The following RBMS1 variants were observed in gnomAD, a reference collection of about 807,000 sequenced individuals.
The protein encoded by RBMS1 is RNA-binding motif, single-stranded-interacting protein 1.
In RBMS1, 17 loss-of-function variants were observed where a neutral mutation model predicts 62.3. The ratio of observed to expected loss-of-function variants is 0.27; its 90% CI spans 0.19 to 0.41. The LOEUF (loss-of-function observed/expected upper bound fraction) is 0.41, where lower values mean the gene tolerates loss of function less well. Ranked by LOEUF, RBMS1 falls within the 10% of genes least tolerant of loss-of-function variation. The pLI, the probability that RBMS1 is intolerant of heterozygous loss-of-function variation, is 1.00. For synonymous variants in RBMS1, 172 were observed against 170.0 expected (o/e 1.01, Z -0.09); for missense variants, 334 against 504.5 (o/e 0.66, Z 3.24).
rs959058318 is a variant in RBMS1 at position 160,367,275 on chromosome 2, G to A, written c.192C>T (p.Leu64=). Residue 64 remains leucine, a synonymous_variant, in exon 2 of 14, where the codon CTC becomes CTT. Coordinates refer to ENST00000348849, the MANE Select transcript of RBMS1 (RefSeq NM_016836.4). ...SGWDQLSKTN[L]YIRGLPPHTT... ...TGTGGGGAGGCAGTCCTCGGATATAGAGGTTCGTTTTGCTGAGCTGATCCC... is the reference window on the plus strand; with the variant it reads ...TGTGGGGAGGCAGTCCTCGGATATAAAGGTTCGTTTTGCTGAGCTGATCCC... 3.3e-5 allele frequency: 53 copies of A among 1,613,940 alleles called. No individual in the cohort carries two copies. Among genetic ancestry groups the A allele is most frequent in the Non-Finnish European group, 4.2e-5 (50 of 1,179,996 alleles).
At chr2:160,404,768 C>G (rs973115100) in intron 1 of RBMS1, among the ~76,000 whole-genome samples, 3 of 152,200 alleles carry the variant, frequency 2.0e-5, no homozygotes, top group Non-Finnish European at 2.9e-5. Context: ...CCATCTGTAT[C>G]ATCCATTTGC....
intron 2 of RBMS1, 140 bp downstream of exon 2, chr2:160,367,076 T>C: frequency 1.3e-6 from 1 of 778,114 alleles, no homozygotes; most frequent in Middle Eastern, 4.1e-4. Context: ...AGTTAAAACT[T>C]GAAACCCATT....
At chr2:160,484,825 T>G (rs572223940) in intron 1 of RBMS1, among the ~76,000 whole-genome samples, 2 of 149,084 alleles carry the variant, frequency 1.3e-5, no homozygotes, top group East Asian at 2.0e-4. Flanking sequence ...AAGCTGAGAT[T>G]GTGCCACTGC....
intron 1 of RBMS1, among the ~76,000 whole-genome samples, chr2:160,448,528 G>A (rs1451482391): frequency 2.0e-5 from 3 of 152,358 alleles, no homozygotes; most frequent in East Asian, 3.9e-4. Flanking sequence ...GCTCCTGACC[G>A]CGAGTAATCT....
At chr2:160,365,288 A>C (rs558050437) in intron 2 of RBMS1, among the ~76,000 whole-genome samples, 9 of 152,350 alleles carry the variant, frequency 5.9e-5, no homozygotes, top group South Asian at 2.1e-4. Context: ...CATATCAAGA[A>C]GACTATTATC....
Position 160,493,665 on chromosome 2 carries a change from G to A in RBMS1, c.-302C>T, listed in dbSNP as rs1489666422. ...GGGCGCTCCCAAGGAGTTTCCTCCC[G>A]GAGCCCGACTGCTCCGGGGCTGCCA... is the stretch of plus-strand genomic sequence containing the variant. On this transcript the variant is annotated 5_prime_UTR_variant, in exon 1 of 14. Coordinates refer to ENST00000348849, the MANE Select transcript of RBMS1 (RefSeq NM_016836.4). 2.2e-6 allele frequency: 1 copy of A among 463,476 alleles called. No individual in the cohort carries two copies. The allele number at this position is 463,476 out of a possible 1,614,324, so 28.7% of individuals were successfully genotyped here. A position where few individuals can be genotyped will look rare whatever the true frequency, so the allele number is the denominator to read the frequency against.
intron 11 of RBMS1, chr2:160,277,916 G>A (rs973325848): frequency 6.3e-6 from 1 of 157,840 alleles, no homozygotes; most frequent in Admixed American, 6.0e-5. Flanking sequence ...TTGGATATGT[G>A]TGGCCCTGGC....
chr2:160,359,167 A>G (rs1009237883), intron 2 of RBMS1, among the ~76,000 whole-genome samples: 4 of 152,192 alleles, frequency 2.6e-5, no homozygotes, highest in African/African-American at 9.6e-5. Flanking sequence ...AGGGTAAATT[A>G]TATCTTAAAG....
chr2:160,435,222 G>A (rs1683063359), intron 1 of RBMS1, among the ~76,000 whole-genome samples: 1 of 152,148 alleles, frequency 6.6e-6, no homozygotes, highest in Non-Finnish European at 1.5e-5. Context: ...GCCCCTTATG[G>A]GGGACATATA....
In RBMS1 at chr2:160,288,238, T is replaced by C. The variant is rs544672154; in HGVS notation, c.641-1154A>G. 1.3e-4 allele frequency among the ~76,000 whole-genome samples: 20 copies of C among 152,308 alleles called. No individual in the cohort carries two copies. In the Middle Eastern group the frequency reaches 0.014, roughly 104 times the overall value. ...CTGTCCTTTGTCTACTGTAGAACCA[T>C]GATTACTACTTTCAAGTTCTGTTTC... On this transcript the variant is annotated intron_variant, in intron 6 of 13. Transcript: ENST00000348849.
At chr2:160,329,752 C>T (rs969524596) in intron 2 of RBMS1, among the ~76,000 whole-genome samples, 1 of 151,678 alleles carries the variant, frequency 6.6e-6, no homozygotes, top group Non-Finnish European at 1.5e-5. Context: ...AGTGTAGGGT[C>T]TGGGTATGGA....
At chr2:160,338,728 A>G (rs980374148) in intron 2 of RBMS1, among the ~76,000 whole-genome samples, 1 of 152,216 alleles carries the variant, frequency 6.6e-6, no homozygotes, top group Admixed American at 6.5e-5. Flanking sequence ...GGTTGAATTG[A>G]TTTTTTAATT....
chr2:160,454,362 C>A (rs909541540), intron 1 of RBMS1, among the ~76,000 whole-genome samples: 2 of 152,124 alleles, frequency 1.3e-5, no homozygotes, highest in African/African-American at 4.8e-5. Flanking sequence ...GAATAAGATG[C>A]TAAAGATACT....
At chr2:160,354,408 G>A (rs1692682846) in intron 2 of RBMS1, among the ~76,000 whole-genome samples, 2 of 152,090 alleles carry the variant, frequency 1.3e-5, no homozygotes, top group South Asian at 4.1e-4. Context: ...ATTGAAATAG[G>A]TTAAGCATTG....
intron 1 of RBMS1, among the ~76,000 whole-genome samples, chr2:160,405,439 A>G (rs1044185192): frequency 6.6e-6 from 1 of 152,216 alleles, no homozygotes; most frequent in Admixed American, 6.5e-5. Context: ...AGCATTAATT[A>G]GACTTCCCAT....
intron 1 of RBMS1, among the ~76,000 whole-genome samples, chr2:160,436,035 A>C (rs1299617342): frequency 6.6e-6 from 1 of 152,226 alleles, no homozygotes; most frequent in African/African-American, 2.4e-5. Flanking sequence ...GAAAAAAGTT[A>C]AAGTCACCCA....
At chr2:160,312,236 G>A (rs57860603) in intron 4 of RBMS1, among the ~76,000 whole-genome samples, 21,307 of 152,094 alleles carry the variant, frequency 0.14, 1,941 homozygotes, top group Non-Finnish European at 0.19. Context: ...GAGGGTCTGA[G>A]CATCTTAAAC....
chr2:160,311,210 ATCTATCT>A (rs1451919854), intron 4 of RBMS1, among the ~76,000 whole-genome samples: 17 of 56,602 alleles, frequency 3.0e-4, no homozygotes, highest in African/African-American at 1.1e-3. Flanking sequence ...AAAAAAAAAA[ATCTATCT>A]ATCTATCTAT....
At chr2:160,337,994 G>A (rs1361194656) in intron 2 of RBMS1, among the ~76,000 whole-genome samples, 3 of 152,124 alleles carry the variant, frequency 2.0e-5, no homozygotes, top group Non-Finnish European at 4.4e-5. Flanking sequence ...GGAATCCTGG[G>A]AACAATGTCC....
Sources: allele counts gnomAD v4.1 joint callset (sites outside exome capture counted in the v4.1 genomes callset), GRCh38; gene constraint gnomAD v4.1.1; transcripts MANE v1.5; gene names NCBI Gene and HGNC (gene_info 2026-07-23, HGNC 2026-07-21).